The following MTDH variants were observed in gnomAD, a reference collection of about 807,000 sequenced individuals.
MTDH encodes the protein protein LYRIC.
In MTDH, 34 loss-of-function variants were observed where a neutral mutation model predicts 72.7. The ratio of observed to expected loss-of-function variants is 0.47; its 90% confidence interval spans 0.36 to 0.62. The LOEUF is 0.62. MTDH is among the 20% of genes least tolerant of loss of function. The probability of loss-of-function intolerance (pLI) is 0.00; values close to 1 mark genes in which losing one functional copy is unlikely to be tolerated. For missense variants in MTDH, 677 were observed against 699.4 expected (o/e 0.97, Z 0.36); for synonymous variants, 266 against 268.9 (o/e 0.99, Z 0.10).
chr8:97,692,366 G>C (rs951865515), intron 6 of MTDH, among the ~76,000 whole-genome samples: 1 of 151,458 alleles, frequency 6.6e-6, no homozygotes, highest in African/African-American at 2.4e-5. Context: ...TATTATTCAA[G>C]AAGTAATTTT....
At chr8:97,715,210 C>T (rs1814813957) in intron 9 of MTDH, among the ~76,000 whole-genome samples, 1 of 152,040 alleles carries the variant, frequency 6.6e-6, no homozygotes, top group African/African-American at 2.4e-5. Context: ...TCACTGTAAC[C>T]TGCCTCTCCC....
intron 8 of MTDH, among the ~76,000 whole-genome samples, chr8:97,708,262 G>GC (rs1464830515): frequency 1.4e-4 from 13 of 93,746 alleles, no homozygotes; most frequent in African/African-American, 5.2e-4. Context: ...ACCATGCCAG[G>GC]CCTTTTTTTT....
At chr8:97,684,638 G>A (rs1008923272) in intron 2 of MTDH, among the ~76,000 whole-genome samples, 4 of 152,176 alleles carry the variant, frequency 2.6e-5, no homozygotes, top group Non-Finnish European at 4.4e-5. Context: ...AACTGTAGTT[G>A]ACAGATGTTC....
At chr8:97,707,940 T>G (rs1814431054) in intron 8 of MTDH, among the ~76,000 whole-genome samples, 1 of 151,590 alleles carries the variant, frequency 6.6e-6, no homozygotes, top group African/African-American at 2.4e-5. Flanking sequence ...TCAAGAAGCC[T>G]TTAACAAGTG....
intron 6 of MTDH, among the ~76,000 whole-genome samples, chr8:97,694,895 C>T (rs1813766332): frequency 6.6e-6 from 1 of 151,894 alleles, no homozygotes; most frequent in Non-Finnish European, 1.5e-5. Context: ...TGCACTCCAG[C>T]CTTGGCAACA....
chr8:97,654,554 CT>C (rs573225011), intron 1 of MTDH, among the ~76,000 whole-genome samples: 334 of 143,102 alleles, frequency 2.3e-3, no homozygotes, highest in Middle Eastern at 3.6e-3. Context: ...TTGCCTTTAT[CT>C]TTTTTTTTTT....
At chr8:97,645,086 G>A (rs1586192208) in intron 1 of MTDH, among the ~76,000 whole-genome samples, 199 bp downstream of exon 1, 1 of 152,184 alleles carries the variant, frequency 6.6e-6, no homozygotes, top group Admixed American at 6.5e-5. Context: ...AGTATAGGAC[G>A]AGTGGGGAAG....
chr8:97,684,832 G>A (rs1229632198), intron 2 of MTDH, among the ~76,000 whole-genome samples: 1 of 152,214 alleles, frequency 6.6e-6, no homozygotes, highest in Non-Finnish European at 1.5e-5. Context: ...CACTTTGGGA[G>A]GCCAAGGCGG....
At chr8:97,653,703 AT>A (rs1023712320) in intron 1 of MTDH, among the ~76,000 whole-genome samples, 6 of 152,184 alleles carry the variant, frequency 3.9e-5, no homozygotes, top group African/African-American at 1.2e-4. Context: ...CCTTGAGAGT[AT>A]TTTTAAATTA....
At chr8:97,657,676 T>A (rs1228963080) in intron 1 of MTDH, among the ~76,000 whole-genome samples, 3 of 151,962 alleles carry the variant, frequency 2.0e-5, no homozygotes, top group Non-Finnish European at 4.4e-5. Context: ...GCTATTTTTT[T>A]AAATTATTTT....
Position 97,724,910 on chromosome 8 carries a change from G to A in MTDH, c.*240G>A, listed in dbSNP as rs1815296354. On this transcript the variant is annotated 3_prime_UTR_variant, in exon 12 of 12. Coordinates refer to ENST00000336273, the MANE Select transcript of MTDH (RefSeq NM_178812.4). ...TGGGAAAGTCTTTTTAATAGAACAA[G>A]AACGATCTTAATTTAAGAATATTAT... is the stretch of plus-strand genomic sequence containing the variant. 1 of 310,708 alleles carries A rather than the reference G, an allele frequency of 3.2e-6. No individual in the cohort carries two copies. Among genetic ancestry groups the A allele is most frequent in the East Asian group, 6.1e-5 (1 of 16,382 alleles). The allele number at this position is 310,708 out of a possible 1,614,324, so 19.2% of individuals were successfully genotyped here.
At chr8:97,677,953 C>CA (rs962830097) in intron 2 of MTDH, among the ~76,000 whole-genome samples, 55 of 152,104 alleles carry the variant, frequency 3.6e-4, no homozygotes, top group African/African-American at 1.3e-3. Flanking sequence ...TGGTAATTAG[C>CA]AAAAAACAAT....
intron 1 of MTDH, among the ~76,000 whole-genome samples, chr8:97,645,151 C>T (rs562090256): frequency 6.6e-6 from 1 of 152,188 alleles, no homozygotes; most frequent in Admixed American, 6.5e-5. Context: ...GATAGGCGCC[C>T]AGAGGTCAAG....
chr8:97,663,127 A>C (rs1812240158), intron 2 of MTDH, among the ~76,000 whole-genome samples: 2 of 152,058 alleles, frequency 1.3e-5, no homozygotes, highest in African/African-American at 4.8e-5. Flanking sequence ...CTTTCTCTCT[A>C]TTAGTGAGTA....
At chr8:97,688,611 C>T (rs890476078) in intron 4 of MTDH, among the ~76,000 whole-genome samples, 2 of 152,070 alleles carry the variant, frequency 1.3e-5, no homozygotes, top group Admixed American at 6.6e-5. Flanking sequence ...TTTCCTAAGT[C>T]CTGGTCCCAA....
chr8:97,659,112 C>T (rs1021764893), intron 1 of MTDH, among the ~76,000 whole-genome samples: 48 of 151,404 alleles, frequency 3.2e-4, no homozygotes, highest in African/African-American at 1.1e-3. Flanking sequence ...CACTGCACTC[C>T]AGCCTGGGCA....
At chr8:97,698,953 A>G (rs1354154392) in intron 6 of MTDH, among the ~76,000 whole-genome samples, 1 of 152,112 alleles carries the variant, frequency 6.6e-6, no homozygotes, top group East Asian at 1.9e-4. Flanking sequence ...AGCCTGGGCA[A>G]CACAGGGAAG....
intron 1 of MTDH, 40 bp from the exon 2 acceptor site, chr8:97,661,032 A>G (rs1442137286): frequency 2.0e-6 from 3 of 1,498,170 alleles, no homozygotes; most frequent in Non-Finnish European, 2.8e-6. Flanking sequence ...CTGATCTGCT[A>G]AGCAGTTTGA....
chr8:97,664,546 T>C (rs1415953219), intron 2 of MTDH, among the ~76,000 whole-genome samples: 1 of 152,250 alleles, frequency 6.6e-6, no homozygotes, highest in Non-Finnish European at 1.5e-5. Flanking sequence ...CTACAACTCA[T>C]GGCTGGTGTT....
Sources: allele counts gnomAD v4.1 joint callset (sites outside exome capture counted in the v4.1 genomes callset), GRCh38; gene constraint gnomAD v4.1.1; transcripts MANE v1.5; gene names NCBI Gene and HGNC (gene_info 2026-07-23, HGNC 2026-07-21).